Variants in SORBS2 observed in about 807,000 individuals in gnomAD.
SORBS2 encodes the protein sorbin and SH3 domain containing 2, also known as sorbin and SH3 domain-containing protein 2.
Under a neutral mutation model 97.7 loss-of-function variants are expected in SORBS2, and 46 were observed. That is an observed-to-expected ratio of 0.47 (90% CI 0.37 to 0.60). SORBS2 has a LOEUF of 0.60. Among genes scored for constraint, SORBS2 ranks in the 20% least tolerant of loss-of-function variants. The pLI is 0.00. For missense variants in SORBS2, 1,316 were observed against 1,282.3 expected (o/e 1.03, Z -0.40); for synonymous variants, 476 against 473.4 (o/e 1.01, Z -0.07).
chr4:185,874,250 C>T (rs1292412705), intron 1 of SORBS2, among the ~76,000 whole-genome samples: 6 of 152,136 alleles, frequency 3.9e-5, no homozygotes, highest in African/African-American at 1.4e-4. Context: ...AATGTGGCTA[C>T]CTTATTTCAA....
At position 185,642,089 on chromosome 4, in the gene SORBS2, C is replaced by T. The variant is rs538421474; in HGVS notation, c.396+4579G>A. On this transcript the variant is annotated intron_variant, in intron 4 of 14. Transcript: ENST00000418609. ...TTTAAGTTTTAATGACATTGACTAC[C>T]GTGTTTTATATTTATTGTGGTTTCA... 1.4e-4 allele frequency among the ~76,000 whole-genome samples: 21 copies of T among 152,154 alleles called. No homozygotes were observed. In the South Asian group the frequency reaches 2.1e-3, roughly 15 times the overall value.
At chr4:185,657,875 C>T (rs113772114), upstream of SORBS2, among the ~76,000 whole-genome samples, 5 of 152,212 alleles carry the variant, frequency 3.3e-5, no homozygotes, top group African/African-American at 1.2e-4. Context: ...AGGAAGTGCT[C>T]TAAATGCATT....
At chr4:185,777,035 C>T (rs1045354966) in intron 1 of SORBS2, among the ~76,000 whole-genome samples, 1 of 151,760 alleles carries the variant, frequency 6.6e-6, no homozygotes, top group Non-Finnish European at 1.5e-5. Flanking sequence ...ATGGAAAATA[C>T]TGAGGATTAT....
At chr4:185,656,443 T>TC (rs1322374033) in intron 1 of SORBS2, among the ~76,000 whole-genome samples, 1 of 151,308 alleles carries the variant, frequency 6.6e-6, no homozygotes, top group Non-Finnish European at 1.5e-5. Flanking sequence ...ACCACGGCTT[T>TC]TTTTTTTTTT....
intron 1 of SORBS2, among the ~76,000 whole-genome samples, chr4:185,804,090 G>T (rs2099142826): frequency 6.6e-6 from 1 of 152,124 alleles, no homozygotes; most frequent in African/African-American, 2.4e-5. Context: ...AAAAAGGATT[G>T]CTTTGATACT....
At chr4:185,638,788 G>T in intron 4 of SORBS2, 89 bp downstream of exon 14, 1 of 1,258,360 alleles carries the variant, frequency 7.9e-7, no homozygotes, top group Non-Finnish European at 1.0e-6. Flanking sequence ...GGGACCCGGG[G>T]GAGTGGGAGT....
chr4:185,824,338 ATTTCTCT>A (rs2099198570), intron 1 of SORBS2, among the ~76,000 whole-genome samples: 1 of 152,000 alleles, frequency 6.6e-6, no homozygotes, highest in African/African-American at 2.4e-5. Context: ...CTGTGTACAG[ATTTCTCT>A]TTTCTTATAA....
chr4:185,654,599 T>C (rs184092721), intron 1 of SORBS2, among the ~76,000 whole-genome samples: 47 of 152,278 alleles, frequency 3.1e-4, no homozygotes, highest in Admixed American at 1.0e-3. Context: ...AAGGGAAATA[T>C]GAAGCTGGAA....
chr4:185,624,105 T>A (rs1248994660), exon 7 of SORBS2: 2 of 1,614,068 alleles, frequency 1.2e-6, no homozygotes, highest in Non-Finnish European at 1.7e-6. Context: ...CTGTGTCTGA[T>A]CCTTGATCTG....
intron 12 of SORBS2, among the ~76,000 whole-genome samples, chr4:185,602,430 G>A (rs2096284773): frequency 6.6e-6 from 1 of 152,234 alleles, no homozygotes; most frequent in Non-Finnish European, 1.5e-5. Flanking sequence ...TCAGTCATCT[G>A]TAATCTATAA....
chr4:185,638,415 G>A (rs932910629), intron 4 of SORBS2, among the ~76,000 whole-genome samples: 2 of 152,168 alleles, frequency 1.3e-5, no homozygotes, highest in Non-Finnish European at 2.9e-5. Context: ...TAAGTTGTGG[G>A]CAACTCTTGC....
In SORBS2 at chr4:185,824,500, A is replaced by G. The variant is rs1561207824; in HGVS notation, c.-337-49134T>C. ...TCAAAGTATCTTTTGAGGGGACACA[A>G]TTCAACCCATAACAGTTATGGTGTT... On this transcript the variant is annotated intron_variant, in intron 1 of 20. Transcript: ENST00000284776. Among the ~76,000 whole-genome samples the G allele has an allele frequency of 2.6e-5, 4 of 152,276 alleles. No homozygotes were observed. The South Asian group carries it at 8.3e-4, about 32-fold the overall frequency.
intron 1 of SORBS2, among the ~76,000 whole-genome samples, chr4:185,869,009 C>A (rs12505796): frequency 1.3e-5 from 2 of 152,070 alleles, no homozygotes; most frequent in East Asian, 1.9e-4. Context: ...AACTTCTGAA[C>A]GCTTGGACTG....
chr4:185,910,912 T>C (rs1458936908), intron 1 of SORBS2, among the ~76,000 whole-genome samples: 1 of 152,108 alleles, frequency 6.6e-6, no homozygotes, highest in African/African-American at 2.4e-5. Context: ...AGGTGCGTGG[T>C]TTCAGAGTAG....
intron 4 of SORBS2, among the ~76,000 whole-genome samples, chr4:185,641,453 A>G (rs1257581482): frequency 2.6e-5 from 4 of 152,186 alleles, no homozygotes; most frequent in Non-Finnish European, 5.9e-5. Context: ...TGCAATAATT[A>G]AATGTCCTAT....
At chr4:185,914,573 C>T (rs6814522) in intron 1 of SORBS2, among the ~76,000 whole-genome samples, 16,074 of 152,216 alleles carry the variant, frequency 0.11, 915 homozygotes, top group Middle Eastern at 0.2. Context: ...CTGAAAGGTA[C>T]TATTATGTTA....
intron 1 of SORBS2, among the ~76,000 whole-genome samples, chr4:185,937,245 T>C (rs1263929936): frequency 6.6e-6 from 1 of 152,212 alleles, no homozygotes; most frequent in African/African-American, 2.4e-5. Flanking sequence ...CTTTGAGAAA[T>C]ACATGTGACC....
At chr4:185,953,285 G>A (rs750151991) in intron 1 of SORBS2, among the ~76,000 whole-genome samples, 1 of 152,238 alleles carries the variant, frequency 6.6e-6, no homozygotes, top group Non-Finnish European at 1.5e-5. Flanking sequence ...CCGCACTCCA[G>A]CCTGGGTGAC....
At chr4:185,802,740 G>A (rs753633304) in intron 1 of SORBS2, among the ~76,000 whole-genome samples, 5 of 152,138 alleles carry the variant, frequency 3.3e-5, no homozygotes, top group Non-Finnish European at 5.9e-5. Flanking sequence ...TAGTTTTTTG[G>A]TGATAGTCTT....
Sources: allele counts gnomAD v4.1 joint callset (sites outside exome capture counted in the v4.1 genomes callset), GRCh38; gene constraint gnomAD v4.1.1; transcripts MANE v1.5; gene names NCBI Gene and HGNC (gene_info 2026-07-23, HGNC 2026-07-21).